Variants in SAMD3 observed in about 807,000 individuals in gnomAD.
SAMD3 encodes sterile alpha motif domain containing 3.
SAMD3 carries 63 observed loss-of-function variants against 58.5 expected under a neutral mutation model. The observed-to-expected ratio is 1.08, with a 90% CI of 0.88 to 1.33. The LOEUF is 1.33. Ranked by LOEUF, SAMD3 falls within the 40% of genes most tolerant of loss-of-function variation. SAMD3 has a pLI of 0.00. For missense variants in SAMD3, 604 were observed against 608.4 expected (o/e 0.99, Z 0.08); for synonymous variants, 220 against 210.3 (o/e 1.05, Z -0.40).
chr6:130,349,624 C>T (rs545268914), intron 1 of SAMD3, among the ~76,000 whole-genome samples: 43 of 152,248 alleles, frequency 2.8e-4, no homozygotes, highest in African/African-American at 9.9e-4. Context: ...GATTCACAGC[C>T]AAATTCTACC....
intron 2 of SAMD3, among the ~76,000 whole-genome samples, chr6:130,304,835 A>G (rs1338827025): frequency 6.6e-6 from 1 of 151,970 alleles, no homozygotes; most frequent in Non-Finnish European, 1.5e-5. Context: ...ATATCTTTCA[A>G]TAAACTTTTG....
intron 5 of SAMD3, among the ~76,000 whole-genome samples, chr6:130,201,327 C>A (rs974522141): frequency 1.3e-5 from 2 of 152,078 alleles, no homozygotes; most frequent in Non-Finnish European, 2.9e-5. Flanking sequence ...ACTTGTGGAA[C>A]CTTAAAAAAA....
chr6:130,157,096 TAAA>T, intron 8 of SAMD3, among the ~76,000 whole-genome samples: 1 of 149,242 alleles, frequency 6.7e-6, no homozygotes, highest in African/African-American at 2.5e-5. Context: ...AATAAATAAA[TAAA>T]TAAATAAATA....
upstream of SAMD3, chr6:130,365,428 G>C (rs1450719558): frequency 1.0e-6 from 1 of 985,466 alleles, no homozygotes; most frequent in Non-Finnish European, 1.2e-6. Context: ...CGTCTTTTCC[G>C]GCCAGGTTTG....
intron 2 of SAMD3, among the ~76,000 whole-genome samples, chr6:130,288,780 G>A (rs988778546): frequency 1.6e-4 from 25 of 152,194 alleles, no homozygotes; most frequent in African/African-American, 6.0e-4. Flanking sequence ...GAGAGTAGTT[G>A]CCAAGTGAAA....
chr6:130,230,711 C>T (rs1490578366), intron 2 of SAMD3, among the ~76,000 whole-genome samples: 2 of 152,150 alleles, frequency 1.3e-5, no homozygotes, highest in African/African-American at 4.8e-5. Context: ...TATGCACAAT[C>T]CTTGGACCTT....
chr6:130,288,353 A>G (rs1276931299), intron 2 of SAMD3, among the ~76,000 whole-genome samples: 1 of 152,206 alleles, frequency 6.6e-6, no homozygotes, highest in African/African-American at 2.4e-5. Flanking sequence ...TGGGTACCTC[A>G]GTCTTTTCCC....
chr6:130,322,260 C>T (rs1473252467), intron 1 of SAMD3, among the ~76,000 whole-genome samples: 2 of 152,114 alleles, frequency 1.3e-5, no homozygotes, highest in Non-Finnish European at 2.9e-5. Context: ...CAGCAGCAGG[C>T]TGAGAGAGAG....
At position 130,196,011 on chromosome 6, in the gene SAMD3, C is replaced by T. The variant is rs182743761; in HGVS notation, c.384-11388G>A. Among the ~76,000 whole-genome samples the T allele has an allele frequency of 4.3e-3, 657 of 152,206 alleles. 3 individuals carry two copies. Among genetic ancestry groups the T allele is most frequent in the African/African-American group, 0.015 (618 of 41,498 alleles). On this transcript the variant is annotated intron_variant, in intron 5 of 11. Coordinates refer to ENST00000439090, the MANE Select transcript of SAMD3 (RefSeq NM_001017373.4). ...CTTGAAGACAGCTTTAGAGACTGCC[C>T]ACAACCGAGCTCTCCCTGACTCATC...
At chr6:130,174,344 A>C (rs559837719) in intron 8 of SAMD3, among the ~76,000 whole-genome samples, 15 of 152,176 alleles carry the variant, frequency 9.9e-5, no homozygotes, top group Non-Finnish European at 1.5e-4. Context: ...CAGATTGCAA[A>C]AACTGTGGGA....
intron 2 of SAMD3, among the ~76,000 whole-genome samples, chr6:130,250,839 T>C (rs1478559764): frequency 1.3e-5 from 2 of 152,220 alleles, no homozygotes; most frequent in African/African-American, 4.8e-5. Flanking sequence ...TATCCATTTA[T>C]CTGTTGATGG....
At chr6:130,171,684 G>A (rs2114653328) in intron 8 of SAMD3, among the ~76,000 whole-genome samples, 1 of 152,308 alleles carries the variant, frequency 6.6e-6, no homozygotes, top group Non-Finnish European at 1.5e-5. Flanking sequence ...TCTATGTTCT[G>A]TTGATTTGAG....
At chr6:130,260,255 G>C (rs1464247045) in intron 2 of SAMD3, among the ~76,000 whole-genome samples, 1 of 152,188 alleles carries the variant, frequency 6.6e-6, no homozygotes, top group Non-Finnish European at 1.5e-5. Flanking sequence ...AACCAGGCCT[G>C]GGCCTGCCTG....
chr6:130,164,164 TTTC>T (rs1487358175), intron 8 of SAMD3, among the ~76,000 whole-genome samples: 1 of 151,990 alleles, frequency 6.6e-6, no homozygotes, highest in Non-Finnish European at 1.5e-5. Context: ...TGATAGAATA[TTTC>T]ACATCAGAAT....
chr6:130,229,544 T>C (rs1454790003), intron 2 of SAMD3, among the ~76,000 whole-genome samples: 1 of 152,212 alleles, frequency 6.6e-6, no homozygotes, highest in African/African-American at 2.4e-5. Context: ...TTTATACCTG[T>C]GTGCTGACAC....
rs530408175 is a variant in SAMD3 at position 130,153,988 on chromosome 6, A to G, written c.1023+837T>C. ...CACCATGCCTGGCCCTAAATTTCAT[A>G]TATATTTAAGGACACTTATGAAATT... On this transcript the variant is annotated intron_variant, in intron 9 of 11. Transcript: ENST00000439090. Among the ~76,000 whole-genome samples, 71 of 151,986 alleles carry G rather than the reference A, an allele frequency of 4.7e-4. 1 individual carries two copies. Among genetic ancestry groups the G allele is most frequent in the Admixed American group, 4.7e-3 (71 of 15,236 alleles).
At chr6:130,241,249 C>T (rs1187302898) in intron 2 of SAMD3, among the ~76,000 whole-genome samples, 3 of 133,868 alleles carry the variant, frequency 2.2e-5, no homozygotes, top group South Asian at 2.4e-4. Context: ...TCACTCTTGT[C>T]GCCCAGGCTG....
chr6:130,223,322 T>G (rs150132492), upstream of SAMD3, among the ~76,000 whole-genome samples: 245 of 152,354 alleles, frequency 1.6e-3, 1 homozygote, highest in African/African-American at 5.7e-3. Flanking sequence ...TGAACTAAAA[T>G]GCACAAACCT....
At chr6:130,333,284 T>C (rs1199680986) in intron 1 of SAMD3, among the ~76,000 whole-genome samples, 1 of 152,230 alleles carries the variant, frequency 6.6e-6, no homozygotes, top group African/African-American at 2.4e-5. Flanking sequence ...GTGTAAGTTA[T>C]GAATTATATA....
Sources: allele counts gnomAD v4.1 joint callset (sites outside exome capture counted in the v4.1 genomes callset), GRCh38; gene constraint gnomAD v4.1.1; transcripts MANE v1.5; gene names NCBI Gene and HGNC (gene_info 2026-07-23, HGNC 2026-07-21).